RFTN1: variants seen among roughly 807,000 people sequenced by gnomAD.
RFTN1 encodes raftlin.
RFTN1 carries 26 observed loss-of-function variants against 46.5 expected under a neutral mutation model. That is an observed-to-expected ratio of 0.56 (90% CI 0.41 to 0.78). The LOEUF is 0.78. Ranked by LOEUF, RFTN1 falls within the 30% of genes least tolerant of loss-of-function variation. The pLI is 0.00. For missense variants in RFTN1, 693 were observed against 718.7 expected (o/e 0.96, Z 0.41); for synonymous variants, 261 against 284.2 (o/e 0.92, Z 0.82).
At chr3:16,331,230 A>G (rs1232036423) in intron 7 of RFTN1, among the ~76,000 whole-genome samples, 2 of 152,190 alleles carry the variant, frequency 1.3e-5, no homozygotes, top group Admixed American at 6.5e-5. Flanking sequence ...TAAAATTGCT[A>G]CCAAAACACT....
chr3:16,332,542 A>G (rs1280970111), intron 7 of RFTN1, among the ~76,000 whole-genome samples: 1 of 152,056 alleles, frequency 6.6e-6, no homozygotes, highest in Non-Finnish European at 1.5e-5. Flanking sequence ...GAGATGGGGA[A>G]CTAGGGATCT....
rs1252845836 is a variant in RFTN1, at chr3:16,465,585, C to T, written c.145+28140G>A. On this transcript the variant is annotated intron_variant, in intron 2 of 9. Coordinates refer to ENST00000334133, the MANE Select transcript of RFTN1 (RefSeq NM_015150.2). The surrounding 1 kb of genome is among the most constrained non-coding windows in gnomAD (Gnocchi z 5.1). ...CTTTATACAAATACATGGTAATTTG[C>T]TTCTTTTTAATAGTTTGTACAATCT... Among the ~76,000 whole-genome samples the T allele has an allele frequency of 6.6e-6, 1 of 152,176 alleles. No homozygotes were observed. Among genetic ancestry groups the T allele is most frequent in the Non-Finnish European group, 1.5e-5 (1 of 68,022 alleles).
At chr3:16,432,445 G>C (rs1031292310) in intron 3 of RFTN1, among the ~76,000 whole-genome samples, 5 of 152,212 alleles carry the variant, frequency 3.3e-5, no homozygotes, top group Admixed American at 6.5e-5. Flanking sequence ...TTAAGCCTGA[G>C]AGGCAAAGGT....
chr3:16,509,072 G>A lies in RFTN1; in HGVS notation c.-9+4370C>T, dbSNP rs1033329404. Among the ~76,000 whole-genome samples, 3 of 152,120 alleles carry A rather than the reference G, an allele frequency of 2.0e-5. No homozygotes were observed. Among genetic ancestry groups the A allele is most frequent in the East Asian group, 1.9e-4 (1 of 5,206 alleles). ...TGTATTGAACAGTTCAGCTGGCAAC[G>A]TCTTTCTGTTCCTTCAATAAAATTG... On this transcript the variant is annotated intron_variant, in intron 1 of 9. Transcript: ENST00000334133. The surrounding 1 kb of genome is among the most constrained non-coding windows in gnomAD (Gnocchi z 4.9).
intron 3 of RFTN1, among the ~76,000 whole-genome samples, chr3:16,416,758 T>G (rs959301257): frequency 6.6e-6 from 1 of 152,130 alleles, no homozygotes; most frequent in Non-Finnish European, 1.5e-5. Context: ...AAATAAACCT[T>G]CAAGGAAAAA....
rs900740752 is a variant in RFTN1, at chr3:16,345,655, C to T, written c.1146+12277G>A. Among the ~76,000 whole-genome samples the T allele has an allele frequency of 2.6e-5, 4 of 152,082 alleles. No homozygotes were observed. Among genetic ancestry groups the T allele is most frequent in the Admixed American group, 1.3e-4 (2 of 15,274 alleles). On this transcript the variant is annotated intron_variant, in intron 7 of 9. Coordinates refer to ENST00000334133, the MANE Select transcript of RFTN1 (RefSeq NM_015150.2). The surrounding 1 kb of genome is among the most constrained non-coding windows in gnomAD (Gnocchi z 5.2). Reference sequence around the variant, plus strand: ...AGGGCTTGGGACCTGGACTGGAGTCCACACCATCAGCTGCTAGCTCTCAGG... The same window carrying T: ...AGGGCTTGGGACCTGGACTGGAGTCTACACCATCAGCTGCTAGCTCTCAGG...
intron 6 of RFTN1, among the ~76,000 whole-genome samples, chr3:16,365,787 C>A (rs1488376761): frequency 1.3e-5 from 2 of 152,068 alleles, no homozygotes; most frequent in African/African-American, 4.8e-5. Context: ...GATATAAGAT[C>A]AATGACACCA....
At chr3:16,366,515 C>T (rs373655486) in intron 6 of RFTN1, among the ~76,000 whole-genome samples, 2 of 152,292 alleles carry the variant, frequency 1.3e-5, no homozygotes, top group South Asian at 2.1e-4. Flanking sequence ...CTCGTCCCAC[C>T]GGGAGAGCCG....
At chr3:16,401,150 G>A (rs1308948817) in intron 4 of RFTN1, among the ~76,000 whole-genome samples, 1 of 152,050 alleles carries the variant, frequency 6.6e-6, no homozygotes, top group African/African-American at 2.4e-5. Context: ...GACACCACAT[G>A]GTGAAGCCCT....
chr3:16,390,667 A>T (rs1309422475), intron 4 of RFTN1, among the ~76,000 whole-genome samples: 1 of 152,244 alleles, frequency 6.6e-6, no homozygotes, highest in African/African-American at 2.4e-5. Flanking sequence ...TCAGAGTCAG[A>T]AAGGGTCACA....
At chr3:16,412,812 C>T (rs1332260400) in intron 3 of RFTN1, among the ~76,000 whole-genome samples, 1 of 152,246 alleles carries the variant, frequency 6.6e-6, no homozygotes, top group Non-Finnish European at 1.5e-5. Context: ...GAGAGAGCCA[C>T]ATGGCAAGAA....
chr3:16,476,491 A>G (rs575036395), intron 2 of RFTN1, among the ~76,000 whole-genome samples: 4 of 152,306 alleles, frequency 2.6e-5, no homozygotes, highest in African/African-American at 7.2e-5. Context: ...ATAAGATAGA[A>G]ACAGAGGTTG....
At chr3:16,454,243 A>C (rs2075866904) in intron 2 of RFTN1, among the ~76,000 whole-genome samples, 1 of 152,220 alleles carries the variant, frequency 6.6e-6, no homozygotes, top group African/African-American at 2.4e-5. Context: ...ATTTAATAGG[A>C]ATTGCCAAAT....
rs2075769281 is a variant in RFTN1 at position 16,448,307 on chromosome 3, T to G, written c.146-14270A>C. Among the ~76,000 whole-genome samples the G allele has an allele frequency of 6.6e-6, 1 of 152,246 alleles. No homozygotes were observed. The highest frequency in any genetic ancestry group is 1.5e-5 in the Non-Finnish European group (1 of 68,040). On this transcript the variant is annotated intron_variant, in intron 2 of 9. Coordinates refer to ENST00000334133, the MANE Select transcript of RFTN1 (RefSeq NM_015150.2). The surrounding 1 kb of genome is among the most constrained non-coding windows in gnomAD (Gnocchi z 4.1). ...AAGTCATATTGTATTTCTATTGGAC[T>G]GCTCTGTCCTAGAACCTTTTGTTTT... is the stretch of plus-strand genomic sequence containing the variant.
Position 16,317,191 on chromosome 3 carries a change from C to T in RFTN1, c.1374G>A (p.Gln458=), listed in dbSNP as rs1355672510. Residue 458 remains glutamine, a synonymous_variant, in exon 10 of 10, where the codon CAG becomes CAA. Coordinates refer to ENST00000334133, the MANE Select transcript of RFTN1 (RefSeq NM_015150.2). This position sits in a 1 kb window ranked among gnomAD's most constrained non-coding sequence, Gnocchi z 4.3. ...RFSREEMHNR[Q]MRKSKGKLSA... The stretch of plus-strand genomic sequence containing the variant: ...TGAGTTTACCTTTTGATTTCCTCAT[C>T]TGCCTGTTGTGCATTTCTTCTCTGG... 1.2e-6 allele frequency: 2 copies of T among 1,613,368 alleles called. No individual in the cohort carries two copies. Among genetic ancestry groups the T allele is most frequent in the African/African-American group, 1.3e-5 (1 of 74,810 alleles).
rs776373102 is a variant in RFTN1, at chr3:16,449,532, G to A, written c.146-15495C>T. ...TGGAACTGGTAACTCCTCCATACAC[G>A]GGAGCTGCTAAAATCATTGTTGTTA... On this transcript the variant is annotated intron_variant, in intron 2 of 9. Coordinates refer to ENST00000334133, the MANE Select transcript of RFTN1 (RefSeq NM_015150.2). The surrounding 1 kb of genome is among the most constrained non-coding windows in gnomAD (Gnocchi z 5.1). 6.6e-6 allele frequency among the ~76,000 whole-genome samples: 1 copy of A among 152,138 alleles called. No homozygotes were observed. The highest frequency in any genetic ancestry group is 2.4e-5 in the African/African-American group (1 of 41,422).
At position 16,326,792 on chromosome 3, in the gene RFTN1, G is replaced by C; in HGVS notation, c.1231C>G (p.Pro411Ala). 6.2e-7 allele frequency: 1 copy of C among 1,614,064 alleles called. No homozygotes were observed. Residue 411 changes from proline to alanine, a missense_variant, in exon 8 of 10, where the codon CCC becomes GCC. Transcript: ENST00000334133. ...TGTTACCTGGTAGTCTTGACGACGG[G>C]AGTTGGTAGCACACAGGTGAGCTGC... The part of the protein sequence containing the change: ...GWQLTCVLPT[P>A]VVKTTSEGSV...
At chr3:16,358,365 C>T (rs1486306223) in intron 6 of RFTN1, among the ~76,000 whole-genome samples, 1 of 152,060 alleles carries the variant, frequency 6.6e-6, no homozygotes, top group African/African-American at 2.4e-5. Flanking sequence ...CTGGGGAGAA[C>T]TTATCCAGGG....
At chr3:16,394,965 AATC>A (rs2074434510) in intron 4 of RFTN1, among the ~76,000 whole-genome samples, 1 of 152,210 alleles carries the variant, frequency 6.6e-6, no homozygotes, top group African/African-American at 2.4e-5. Context: ...TAGCCCTGAA[AATC>A]ATGCTGGTGA....
Sources: allele counts gnomAD v4.1 joint callset (sites outside exome capture counted in the v4.1 genomes callset), GRCh38; gene constraint gnomAD v4.1.1; non-coding constraint Gnocchi (gnomAD v3.1); transcripts MANE v1.5; gene names NCBI Gene and HGNC (gene_info 2026-07-23, HGNC 2026-07-21).